The following AJAP1 variants were observed in gnomAD, a reference collection of about 807,000 sequenced individuals.
AJAP1 encodes the protein adherens junctions associated protein 1, also known as adherens junction-associated protein 1.
Under a neutral mutation model 35.0 loss-of-function variants are expected in AJAP1, and 5 were observed. That is an observed-to-expected ratio of 0.14 (90% CI 0.07 to 0.30). AJAP1 has a LOEUF of 0.30. Among genes scored for constraint, AJAP1 ranks in the 10% least tolerant of loss-of-function variants. The pLI, the probability that AJAP1 is intolerant of heterozygous loss-of-function variation, is 1.00. For synonymous variants in AJAP1, 284 were observed against 249.3 expected, an observed-to-expected ratio of 1.14 and a Z score of -1.31; for missense variants, 586 against 571.0, an observed-to-expected ratio of 1.03 and a Z score of -0.27.
intron 1 of AJAP1, among the ~76,000 whole-genome samples, chr1:4,667,774 G>A (rs1639163589): frequency 6.6e-6 from 1 of 152,176 alleles, no homozygotes; most frequent in Non-Finnish European, 1.5e-5. Context: ...TTGGGGTGAA[G>A]TCATCGTCCC....
chr1:4,738,892 C>T (rs550862773), intron 2 of AJAP1, among the ~76,000 whole-genome samples: 6 of 152,110 alleles, frequency 3.9e-5, no homozygotes, highest in South Asian at 2.1e-4. Context: ...AGGAGAGAAC[C>T]GCTGGAAGAC....
At chr1:4,713,754 T>C (rs1210017217) in intron 2 of AJAP1, among the ~76,000 whole-genome samples, 9 of 152,268 alleles carry the variant, frequency 5.9e-5, no homozygotes, top group African/African-American at 1.2e-4. Flanking sequence ...ATTTGCTAAC[T>C]TTAAAATCGG....
chr1:4,746,923 G>A (rs1286576067), intron 2 of AJAP1, among the ~76,000 whole-genome samples: 3 of 152,220 alleles, frequency 2.0e-5, no homozygotes, highest in Non-Finnish European at 4.4e-5. Context: ...GCACTGCAGG[G>A]ACTGTGGGTC....
Position 4,740,702 on chromosome 1 carries a change from C to T in AJAP1, c.829+28003C>T, listed in dbSNP as rs1266682841. On this transcript the variant is annotated intron_variant, in intron 2 of 5. Transcript: ENST00000378191. ...TCCAGAGGCTGAGGCAGGAGAATGG[C>T]GGGAACCCGGGAGGAGGAGCTTACA... Among the ~76,000 whole-genome samples, 9 of 134,204 alleles carry T rather than the reference C, an allele frequency of 6.7e-5. No individual in the cohort carries two copies. The East Asian group carries it at 1.5e-3, about 22-fold the overall frequency. 88.0% of individuals were successfully genotyped at this position (134,204 alleles called of 152,430 possible).
rs141135483 is a variant in AJAP1, at chr1:4,662,547, C to T, written c.29+7093C>T. 1.4e-4 allele frequency among the ~76,000 whole-genome samples: 22 copies of T among 152,276 alleles called. No homozygotes were observed. In the East Asian group the frequency reaches 4.3e-3, roughly 30 times the overall value. On this transcript the variant is annotated intron_variant, in intron 1 of 5. Coordinates refer to ENST00000378191, the MANE Select transcript of AJAP1 (RefSeq NM_018836.4). ...GCAGCGCTGCCATGAACTTCGCGTG[C>T]ACGCCTCGGGATGGATGTTGTTTTC...
chr1:4,775,238 C>T (rs957663648), intron 5 of AJAP1, among the ~76,000 whole-genome samples: 4 of 152,236 alleles, frequency 2.6e-5, no homozygotes, highest in East Asian at 1.9e-4. Context: ...TCAGAGCACT[C>T]GGGCTGCTGA....
rs944722481 is a variant in AJAP1, at chr1:4,722,034, G to C, written c.829+9335G>C. Among the ~76,000 whole-genome samples, 70 of 152,164 alleles carry C rather than the reference G, an allele frequency of 4.6e-4. 1 individual carries two copies. The highest frequency in any genetic ancestry group is 4.6e-3 in the Admixed American group (70 of 15,276). The stretch of plus-strand genomic sequence containing the variant: ...TGGTCAAAGGCTGGCCTCTGCATAG[G>C]GTCACTGGGAACACGTCTGCCACAC... On this transcript the variant is annotated intron_variant, in intron 2 of 5. Coordinates refer to ENST00000378191, the MANE Select transcript of AJAP1 (RefSeq NM_018836.4).
chr1:4,703,282 C>T lies in AJAP1; in HGVS notation c.30-8618C>T, dbSNP rs114788727. Among the ~76,000 whole-genome samples the T allele has an allele frequency of 8.9e-3, 1,352 of 152,226 alleles. 12 individuals carry two copies. The highest frequency in any genetic ancestry group is 0.03 in the African/African-American group (1,235 of 41,524). On this transcript the variant is annotated intron_variant, in intron 1 of 5. Transcript: ENST00000378191. Reference sequence around the variant, plus strand: ...GAAGAAAGTGGGTGTTCCCTTCCTGCGCCAGGGCTGGGGACTGAGACTGGG... The same window carrying T: ...GAAGAAAGTGGGTGTTCCCTTCCTGTGCCAGGGCTGGGGACTGAGACTGGG...
At chr1:4,713,116 C>T (rs182031878) in intron 2 of AJAP1, among the ~76,000 whole-genome samples, 8 of 152,142 alleles carry the variant, frequency 5.3e-5, no homozygotes, top group African/African-American at 9.7e-5. Flanking sequence ...AGGATCCCCC[C>T]GCCCCAGAGT....
chr1:4,745,763 GTCCTGGGCAGCGCT>G (rs1271032028), intron 2 of AJAP1, among the ~76,000 whole-genome samples: 7 of 152,186 alleles, frequency 4.6e-5, no homozygotes, highest in Non-Finnish European at 8.8e-5. Context: ...AGGCTGCTGG[GTCCTGGGCAGCGCT>G]TCCTCTCCAA....
Position 4,711,925 on chromosome 1 carries a change from C to T in AJAP1, c.55C>T (p.Arg19Cys). Reference protein sequence around the residue: ...LSSMSIRWPGRPLGSHAWILI... With the variant: ...LSSMSIRWPGCPLGSHAWILI... The stretch of plus-strand genomic sequence containing the variant: ...CTCCATGTCCATCCGCTGGCCGGGC[C>T]GCCCCCTCGGAAGCCATGCCTGGAT... Residue 19 changes from arginine to cysteine, a missense_variant, in exon 2 of 6, where the codon CGC becomes TGC. Coordinates refer to ENST00000378191, the MANE Select transcript of AJAP1 (RefSeq NM_018836.4). The T allele has an allele frequency of 6.6e-7, 1 of 1,523,898 alleles. No individual in the cohort carries two copies. Among genetic ancestry groups the T allele is most frequent in the Non-Finnish European group, 8.8e-7 (1 of 1,141,672 alleles). The allele number at this position is 1,523,898 out of a possible 1,614,324, so 94.4% of individuals were successfully genotyped here.
chr1:4,748,485 C>T (rs394808), intron 2 of AJAP1, among the ~76,000 whole-genome samples: 13 of 152,008 alleles, frequency 8.6e-5, no homozygotes, highest in South Asian at 2.1e-4. Flanking sequence ...CGGTGTCTCA[C>T]GCCTGTAATC....
chr1:4,686,775 C>T (rs1423963445), intron 1 of AJAP1, among the ~76,000 whole-genome samples: 1 of 152,232 alleles, frequency 6.6e-6, no homozygotes, highest in Non-Finnish European at 1.5e-5. Flanking sequence ...TGGCCCTGGC[C>T]TTTGGCTCTG....
intron 2 of AJAP1, among the ~76,000 whole-genome samples, chr1:4,742,944 G>A (rs928347973): frequency 6.6e-6 from 1 of 152,174 alleles, no homozygotes; most frequent in African/African-American, 2.4e-5. Context: ...GACCCACTGG[G>A]TCAGATTTCA....
chr1:4,683,167 C>T (rs1198671843), intron 1 of AJAP1, among the ~76,000 whole-genome samples: 1 of 152,234 alleles, frequency 6.6e-6, no homozygotes, highest in Non-Finnish European at 1.5e-5. Flanking sequence ...CTCTGTGCCT[C>T]ACTCTCTCAT....
chr1:4,667,242 G>A (rs181626911), intron 1 of AJAP1, among the ~76,000 whole-genome samples: 9 of 152,238 alleles, frequency 5.9e-5, no homozygotes, highest in African/African-American at 2.2e-4. Flanking sequence ...CTCAGAATTA[G>A]TCTGAGGGAA....
chr1:4,770,966 T>C (rs1407746623), intron 3 of AJAP1, among the ~76,000 whole-genome samples: 2 of 151,736 alleles, frequency 1.3e-5, no homozygotes, highest in Non-Finnish European at 2.9e-5. Context: ...TGGGGCTTCT[T>C]AGGCAGGGGC....
intron 1 of AJAP1, chr1:4,711,209 G>C (rs1229409278): frequency 6.6e-6 from 1 of 152,332 alleles, no homozygotes; most frequent in African/African-American, 2.4e-5. Flanking sequence ...CCCATGCAGA[G>C]CATTTAAAGC....
intron 1 of AJAP1, among the ~76,000 whole-genome samples, chr1:4,677,601 T>A (rs1190676274): frequency 6.7e-6 from 1 of 149,826 alleles, no homozygotes; most frequent in East Asian, 2.0e-4. Flanking sequence ...AAAAAAAAAT[T>A]TAACATCTGA....
Sources: gnomAD v4.1 joint callset for allele counts (sites outside exome capture counted in the v4.1 genomes callset) on GRCh38, gnomAD v4.1.1 for gene constraint, MANE v1.5 for transcripts, NCBI Gene and HGNC (gene_info 2026-07-23, HGNC 2026-07-21) for gene names.